The following PDE11A variants were observed in gnomAD, a reference collection of about 807,000 sequenced individuals.
The protein encoded by PDE11A is dual 3',5'-cyclic-AMP and -GMP phosphodiesterase 11A.
Under a neutral mutation model 100.5 loss-of-function variants are expected in PDE11A, and 100 were observed. The observed-to-expected ratio is 1.00, with a 90% CI of 0.85 to 1.18. PDE11A has a LOEUF of 1.18. Among genes scored for constraint, PDE11A ranks in the 50% most tolerant of loss-of-function variants. The pLI, the probability that PDE11A is intolerant of heterozygous loss-of-function variation, is 0.00. For synonymous variants in PDE11A, 381 were observed against 420.8 expected (o/e 0.91, Z 1.16); for missense variants, 1,141 against 1,152.6 (o/e 0.99, Z 0.15).
At chr2:178,031,847 G>C (rs1374280309) in intron 1 of PDE11A, among the ~76,000 whole-genome samples, 1 of 151,978 alleles carries the variant, frequency 6.6e-6, no homozygotes, top group Non-Finnish European at 1.5e-5. Flanking sequence ...AAAGAATAAA[G>C]GGCCAGCTGA....
rs1001029677 is a variant in PDE11A at position 178,009,549 on chromosome 2, C to T, written c.1071+4753G>A. Among the ~76,000 whole-genome samples the T allele has an allele frequency of 7.0e-5, 7 of 100,560 alleles. 1 individual carries two copies. In the South Asian group the frequency reaches 1.1e-3, roughly 16 times the overall value. 66.0% of individuals were successfully genotyped at this position (100,560 alleles called of 152,430 possible). A position where few individuals can be genotyped will look rare whatever the true frequency, so the allele number is the denominator to read the frequency against. On this transcript the variant is annotated intron_variant, in intron 2 of 19. Coordinates refer to ENST00000286063, the MANE Select transcript of PDE11A (RefSeq NM_016953.4). ...GATTTTAAAGTCATTAAAAGGGAAG[C>T]TTTCAGGCAGAGGCTGGATGACTAT...
chr2:177,740,691 T>A (rs1432100161), intron 10 of PDE11A, among the ~76,000 whole-genome samples: 2 of 152,266 alleles, frequency 1.3e-5, no homozygotes, highest in African/African-American at 2.4e-5. Context: ...TTAGCTTAGA[T>A]CCACTGCAGC....
chr2:177,787,979 T>C (rs1416453246), intron 9 of PDE11A, among the ~76,000 whole-genome samples: 3 of 152,016 alleles, frequency 2.0e-5, no homozygotes, highest in South Asian at 2.1e-4. Flanking sequence ...GACAGATCAA[T>C]GAGACAGAAA....
chr2:177,909,724 T>C (rs1401285660), intron 2 of PDE11A, among the ~76,000 whole-genome samples: 1 of 152,212 alleles, frequency 6.6e-6, no homozygotes, highest in African/African-American at 2.4e-5. Context: ...TTCTGTGATA[T>C]AGTTTTATTT....
chr2:177,991,499 G>C (rs1455154922), intron 2 of PDE11A, among the ~76,000 whole-genome samples: 1 of 150,122 alleles, frequency 6.7e-6, no homozygotes, highest in Admixed American at 6.7e-5. Context: ...GCCAGGCGTG[G>C]TGGCAGGCAC....
chr2:177,895,289 A>G (rs1335519850), intron 4 of PDE11A, among the ~76,000 whole-genome samples: 1 of 152,172 alleles, frequency 6.6e-6, no homozygotes, highest in African/African-American at 2.4e-5. Context: ...GCTGTGGCTC[A>G]CACCTGCAAT....
Position 177,624,122 on chromosome 2 carries a change from G to A in PDE11A, c.*5285C>T, listed in dbSNP as rs1037216315. 6.6e-6 allele frequency: 1 copy of A among 152,180 alleles called. No homozygotes were observed. Among genetic ancestry groups the A allele is most frequent in the African/African-American group, 2.4e-5 (1 of 41,444 alleles). 9.4% of individuals were successfully genotyped at this position (152,180 alleles called of 1,614,324 possible). The stretch of plus-strand genomic sequence containing the variant: ...GAGTTTTGGGAGTTCTTTACAGCAT[G>A]TAGCAGAATAACAATTTCAGAGACT... On this transcript the variant is annotated 3_prime_UTR_variant, in exon 20 of 20. Transcript: ENST00000286063.
chr2:177,893,532 A>G (rs924528809), intron 4 of PDE11A, among the ~76,000 whole-genome samples: 3 of 152,218 alleles, frequency 2.0e-5, no homozygotes, highest in Non-Finnish European at 4.4e-5. Flanking sequence ...AACATACCAC[A>G]TGCTTACTGT....
chr2:178,024,236 AC>A (rs1404423912), intron 1 of PDE11A, among the ~76,000 whole-genome samples: 1 of 151,914 alleles, frequency 6.6e-6, no homozygotes, highest in African/African-American at 2.4e-5. Flanking sequence ...ACAAGCTGAA[AC>A]CCCATCTCTA....
At chr2:177,998,004 T>C (rs2086098585) in intron 2 of PDE11A, 1 of 1,221,938 alleles carries the variant, frequency 8.2e-7, no homozygotes, top group Admixed American at 1.7e-5. Context: ...TCACAGACCT[T>C]GTGGAATGGA....
At chr2:177,858,413 A>C (rs1278225105) in intron 5 of PDE11A, among the ~76,000 whole-genome samples, 2 of 149,658 alleles carry the variant, frequency 1.3e-5, no homozygotes. Context: ...AAAAAAAAAA[A>C]CCACATCAAA....
At chr2:177,906,129 T>A (rs1411757061) in intron 2 of PDE11A, among the ~76,000 whole-genome samples, 2 of 152,064 alleles carry the variant, frequency 1.3e-5, no homozygotes, top group Non-Finnish European at 2.9e-5. Context: ...AAAAAGCATG[T>A]TTATATCATA....
At chr2:177,871,129 C>T (rs965836621) in intron 5 of PDE11A, among the ~76,000 whole-genome samples, 1 of 152,152 alleles carries the variant, frequency 6.6e-6, no homozygotes, top group Non-Finnish European at 1.5e-5. Context: ...ACACTCTGTC[C>T]TCCACCTTTT....
chr2:177,762,194 A>G (rs2105491388), intron 10 of PDE11A, among the ~76,000 whole-genome samples: 1 of 152,270 alleles, frequency 6.6e-6, no homozygotes, highest in Non-Finnish European at 1.5e-5. Flanking sequence ...GTACAATGAT[A>G]GCCAAAGTGT....
At chr2:177,809,387 C>G (rs984727981) in intron 9 of PDE11A, among the ~76,000 whole-genome samples, 7 of 152,042 alleles carry the variant, frequency 4.6e-5, no homozygotes, top group African/African-American at 1.7e-4. Context: ...TCAGGATGGG[C>G]CAGTGGAAGC....
At chr2:177,740,543 TAAG>T (rs2081857100) in intron 10 of PDE11A, among the ~76,000 whole-genome samples, 1 of 152,200 alleles carries the variant, frequency 6.6e-6, no homozygotes, top group Non-Finnish European at 1.5e-5. Flanking sequence ...TAACTGAGGT[TAAG>T]AAGATAAGCG....
At chr2:177,634,406 T>G (rs147670632) in intron 19 of PDE11A, among the ~76,000 whole-genome samples, 80 of 149,714 alleles carry the variant, frequency 5.3e-4, no homozygotes, top group Non-Finnish European at 7.4e-4. Flanking sequence ...TTTTTTTTTG[T>G]GAGAAGGAGT....
At chr2:177,854,684 T>A (rs1172166665) in intron 5 of PDE11A, among the ~76,000 whole-genome samples, 3 of 152,072 alleles carry the variant, frequency 2.0e-5, no homozygotes, top group Admixed American at 6.6e-5. Context: ...GCAGAGAATA[T>A]CTGGGTAACT....
At chr2:177,908,350 G>A (rs1261261137) in intron 2 of PDE11A, among the ~76,000 whole-genome samples, 1 of 152,184 alleles carries the variant, frequency 6.6e-6, no homozygotes, top group African/African-American at 2.4e-5. Context: ...TCTAGCAGAT[G>A]GTGTAAGGGA....
Sources: allele counts gnomAD v4.1 joint callset (sites outside exome capture counted in the v4.1 genomes callset), GRCh38; gene constraint gnomAD v4.1.1; transcripts MANE v1.5; gene names NCBI Gene and HGNC (gene_info 2026-07-23, HGNC 2026-07-21).